The following ECT2 variants were observed in gnomAD, a reference collection of about 807,000 sequenced individuals.
ECT2 encodes the protein epithelial cell transforming 2.
ECT2 carries 61 observed loss-of-function variants against 116.9 expected under a neutral mutation model. The ratio of observed to expected loss-of-function variants is 0.52; its 90% CI spans 0.42 to 0.65. The LOEUF is 0.65. ECT2 is among the 30% of genes least tolerant of loss of function. The probability of loss-of-function intolerance (pLI) is 0.00; values close to 1 mark genes in which losing one functional copy is unlikely to be tolerated. For missense variants in ECT2, 937 were observed against 1,078.7 expected, an observed-to-expected ratio of 0.87 and a Z score of 1.84; for synonymous variants, 358 against 346.4, an observed-to-expected ratio of 1.03 and a Z score of -0.37.
At chr3:172,768,186 A>G (rs187118708) in intron 12 of ECT2, among the ~76,000 whole-genome samples, 2 of 152,190 alleles carry the variant, frequency 1.3e-5, no homozygotes, top group Admixed American at 6.5e-5. Flanking sequence ...TCTTTTTGAC[A>G]TAAGTATATG....
At chr3:172,757,857 C>T (rs545801537) in intron 5 of ECT2, among the ~76,000 whole-genome samples, 18 of 152,108 alleles carry the variant, frequency 1.2e-4, no homozygotes, top group African/African-American at 4.3e-4. Flanking sequence ...TACTGTATAA[C>T]TTAAAATTCA....
intron 20 of ECT2, among the ~76,000 whole-genome samples, chr3:172,805,144 A>G (rs1727442458): frequency 6.6e-6 from 1 of 152,302 alleles, no homozygotes; most frequent in Middle Eastern, 3.4e-3. Context: ...CTATTTAATA[A>G]TAAATGGTAG....
At chr3:172,779,091 A>G (rs1722259301) in intron 14 of ECT2, among the ~76,000 whole-genome samples, 1 of 152,192 alleles carries the variant, frequency 6.6e-6, no homozygotes, top group Admixed American at 6.5e-5. Context: ...TATGCTCATA[A>G]AATCCTCTAT....
chr3:172,788,850 G>A (rs1724081627), intron 18 of ECT2, among the ~76,000 whole-genome samples: 1 of 152,136 alleles, frequency 6.6e-6, no homozygotes, highest in African/African-American at 2.4e-5. Flanking sequence ...ACGAGGTCAG[G>A]AGTTCGAGAC....
intron 12 of ECT2, 64 bp from the exon 13 acceptor site, chr3:172,768,943 T>G: frequency 7.0e-7 from 1 of 1,436,130 alleles, no homozygotes; most frequent in Non-Finnish European, 9.3e-7. Flanking sequence ...TCTTGTTAAG[T>G]CTACATAATG....
intron 16 of ECT2, 99 bp from the exon 17 acceptor site, chr3:172,784,608 G>C (rs1723290089): frequency 1.2e-6 from 1 of 833,338 alleles, no homozygotes; most frequent in South Asian, 1.5e-5. Context: ...CTATTAGTTT[G>C]TATCACAGAC....
chr3:172,774,748 C>T (rs1022138756), intron 14 of ECT2, among the ~76,000 whole-genome samples: 9 of 152,174 alleles, frequency 5.9e-5, no homozygotes, highest in Admixed American at 1.3e-4. Context: ...AACTGATCCT[C>T]CTGCCTTAGC....
intron 14 of ECT2, among the ~76,000 whole-genome samples, chr3:172,779,674 G>A (rs1169830343): frequency 1.3e-5 from 2 of 152,206 alleles, no homozygotes; most frequent in African/African-American, 2.4e-5. Context: ...GGAAGGCTGA[G>A]GCAGGAATAT....
intron 22 of ECT2, among the ~76,000 whole-genome samples, chr3:172,810,004 C>T (rs1239199237): frequency 1.3e-5 from 2 of 152,100 alleles, no homozygotes; most frequent in Non-Finnish European, 2.9e-5. Flanking sequence ...GATCTTATGT[C>T]TCAGAATCCT....
At chr3:172,814,705 C>T (rs1439424530) in intron 22 of ECT2, among the ~76,000 whole-genome samples, 1 of 152,040 alleles carries the variant, frequency 6.6e-6, no homozygotes, top group East Asian at 1.9e-4. Context: ...ATTTATGGGG[C>T]ATAATGTGAT....
chr3:172,780,754 G>A (rs1385038568), intron 14 of ECT2, among the ~76,000 whole-genome samples: 3 of 152,022 alleles, frequency 2.0e-5, no homozygotes, highest in Admixed American at 6.6e-5. Context: ...CCATCCTAGT[G>A]GGTGAGGAGA....
At chr3:172,750,913 A>G (rs1715632894) in intron 1 of ECT2, 56 bp downstream of exon 1, 1 of 152,664 alleles carries the variant, frequency 6.6e-6, no homozygotes, top group Non-Finnish European at 1.5e-5. Context: ...TCCAGAGCCA[A>G]GGGCTCTTTT....
rs183825980 is a variant in ECT2 at position 172,812,811 on chromosome 3, T to C, written c.2401-2793T>C. On this transcript the variant is annotated intron_variant, in intron 22 of 24. Transcript: ENST00000392692. The stretch of plus-strand genomic sequence containing the variant: ...TCTATCAAATAGTAGGTTTTTAGTA[T>C]ATATCTGTTGATTGAATGAGATAAA... 3.0e-4 allele frequency among the ~76,000 whole-genome samples: 45 copies of C among 152,292 alleles called. No homozygotes were observed. The East Asian group carries it at 8.1e-3, about 27-fold the overall frequency.
intron 12 of ECT2, among the ~76,000 whole-genome samples, chr3:172,767,152 G>C (rs62281210): frequency 0.1 from 15,789 of 152,138 alleles, 1,049 homozygotes; most frequent in Non-Finnish European, 0.15. Context: ...TTTTTAAAAA[G>C]CACTCAGGGG....
chr3:172,802,726 ATTTTC>A (rs1726946605), intron 19 of ECT2, 32 bp downstream of exon 19: 1 of 1,538,218 alleles, frequency 6.5e-7, no homozygotes, highest in Non-Finnish European at 8.8e-7. Context: ...TTATTAATTT[ATTTTC>A]TTCTTGTTAA....
intron 18 of ECT2, among the ~76,000 whole-genome samples, chr3:172,798,973 CTG>C (rs1726231756): frequency 1.3e-5 from 2 of 152,132 alleles, no homozygotes; most frequent in Non-Finnish European, 2.9e-5. Flanking sequence ...AACCTTAAGA[CTG>C]TAAGTAAAAT....
intron 13 of ECT2, chr3:172,771,389 G>A (rs1056140784): frequency 5.9e-5 from 9 of 152,110 alleles, no homozygotes; most frequent in Admixed American, 3.9e-4. Flanking sequence ...AAATCAAAAC[G>A]GTGAGTATAT....
At chr3:172,768,886 A>G (rs1720055469) in intron 12 of ECT2, 121 bp from the exon 13 acceptor site, 2 of 1,163,352 alleles carry the variant, frequency 1.7e-6, no homozygotes, top group Non-Finnish European at 2.3e-6. Context: ...TTTATTGGAA[A>G]TCTGTATGGT....
chr3:172,793,824 T>G (rs1164619025), intron 18 of ECT2, among the ~76,000 whole-genome samples: 3 of 152,214 alleles, frequency 2.0e-5, no homozygotes, highest in Non-Finnish European at 4.4e-5. Flanking sequence ...CCTGGTGGTT[T>G]TGATTTGCAT....
Sources: gnomAD v4.1 joint callset for allele counts (sites outside exome capture counted in the v4.1 genomes callset) on GRCh38, gnomAD v4.1.1 for gene constraint, MANE v1.5 for transcripts, NCBI Gene and HGNC (gene_info 2026-07-23, HGNC 2026-07-21) for gene names.